The following FYB2 variants were observed in gnomAD, a reference collection of about 807,000 sequenced individuals.
The protein encoded by FYB2 is FYN binding protein 2, also known as FYN-binding protein 2.
Under a neutral mutation model 94.1 loss-of-function variants are expected in FYB2, and 103 were observed. That is an observed-to-expected ratio of 1.09 (90% CI 0.93 to 1.29). FYB2 has a LOEUF of 1.29. Ranked by LOEUF, FYB2 falls within the 50% of genes most tolerant of loss-of-function variation. The pLI is 0.00. For synonymous variants in FYB2, 293 were observed against 287.9 expected (o/e 1.02, Z -0.18); for missense variants, 896 against 841.5 (o/e 1.06, Z -0.80).
intron 5 of FYB2, among the ~76,000 whole-genome samples, chr1:56,763,588 A>G (rs2143753): frequency 6.6e-6 from 1 of 152,192 alleles, no homozygotes; most frequent in Non-Finnish European, 1.5e-5. Flanking sequence ...TACAGAGTCT[A>G]TAATGATATC....
At chr1:56,734,864 A>G (rs1288928096) in intron 15 of FYB2, among the ~76,000 whole-genome samples, 1 of 152,050 alleles carries the variant, frequency 6.6e-6, no homozygotes, top group Non-Finnish European at 1.5e-5. Context: ...AAAATGTTCA[A>G]CATCACTAAT....
At chr1:56,757,043 G>C (rs1321181843) in intron 6 of FYB2, among the ~76,000 whole-genome samples, 2 of 152,054 alleles carry the variant, frequency 1.3e-5, no homozygotes, top group East Asian at 3.9e-4. Context: ...AAGAAAGGAA[G>C]AGATCAGATT....
At chr1:56,771,297 C>A (rs572047171) in intron 4 of FYB2, among the ~76,000 whole-genome samples, 24 of 151,966 alleles carry the variant, frequency 1.6e-4, no homozygotes, top group Non-Finnish European at 3.1e-4. Context: ...TTATGATGAA[C>A]AAATGACATA....
chr1:56,804,925 T>C (rs1015042435), intron 1 of FYB2, among the ~76,000 whole-genome samples: 2 of 152,176 alleles, frequency 1.3e-5, no homozygotes, highest in African/African-American at 4.8e-5. Context: ...TTCCTGCCTC[T>C]AACTCACCCC....
At chr1:56,823,486 G>A (rs1647005093), upstream of FYB2, among the ~76,000 whole-genome samples, 1 of 152,150 alleles carries the variant, frequency 6.6e-6, no homozygotes, top group African/African-American at 2.4e-5. Context: ...GGAGGTGTGT[G>A]GGTTCAAGAA....
In FYB2 at chr1:56,744,139, G is replaced by A. The variant is rs1645018913; in HGVS notation, c.1502+13C>T. 6.2e-7 allele frequency: 1 copy of A among 1,611,490 alleles called. No homozygotes were observed. The highest frequency in any genetic ancestry group is 1.3e-5 in the African/African-American group (1 of 74,704). ...TCACATTCATCTTGCTGAAAGACTG[G>A]AATGTTACTTACACCTCTTTCCTGG... On this transcript the variant is annotated intron_variant, in intron 10 of 19. Transcript: ENST00000343433.
intron 4 of FYB2, among the ~76,000 whole-genome samples, chr1:56,772,064 C>T (rs1645770672): frequency 6.6e-6 from 1 of 152,072 alleles, no homozygotes; most frequent in South Asian, 2.1e-4. Flanking sequence ...AGTAACTTCT[C>T]TCATATTTTT....
At position 56,719,570 on chromosome 1, in the gene FYB2, C is replaced by G; in HGVS notation, c.*101G>C. The G allele has an allele frequency of 9.6e-7, 1 of 1,037,078 alleles. No homozygotes were observed. Among genetic ancestry groups the G allele is most frequent in the Non-Finnish European group, 1.4e-6 (1 of 722,698 alleles). 64.2% of individuals were successfully genotyped at this position (1,037,078 alleles called of 1,614,324 possible). On this transcript the variant is annotated 3_prime_UTR_variant, in exon 20 of 20. Transcript: ENST00000343433. ...CGAAAGTTTCCACAGATTCCACCAT[C>G]TCAAAATTTTGACATGTAAACTGAA...
intron 13 of FYB2, among the ~76,000 whole-genome samples, chr1:56,739,032 G>T (rs761084778): frequency 2.0e-5 from 3 of 152,032 alleles, no homozygotes; most frequent in Non-Finnish European, 2.9e-5. Context: ...AGACACCATG[G>T]CAGAGTCTGA....
chr1:56,777,239 CAAAAAAAAAAA>C (rs1453236717), intron 4 of FYB2, among the ~76,000 whole-genome samples: 2 of 4,798 alleles, frequency 4.2e-4, no homozygotes, highest in Non-Finnish European at 5.2e-4. Flanking sequence ...GTCTCAAAAA[CAAAAAAAAAAA>C]AAAAAAAAAA....
chr1:56,812,318 C>A, intron 1 of FYB2, among the ~76,000 whole-genome samples: 1 of 152,022 alleles, frequency 6.6e-6, no homozygotes, highest in Non-Finnish European at 1.5e-5. Context: ...AACCTCTGTC[C>A]TATATGCCAT....
chr1:56,758,887 A>G (rs1430954296), intron 5 of FYB2, 137 bp from the exon 6 acceptor site: 6 of 550,592 alleles, frequency 1.1e-5, no homozygotes, highest in East Asian at 3.4e-5. Flanking sequence ...GTAAAGCTCT[A>G]TCTAGAAAGT....
chr1:56,750,138 A>G (rs969182451), intron 9 of FYB2, among the ~76,000 whole-genome samples: 1 of 152,044 alleles, frequency 6.6e-6, no homozygotes, highest in African/African-American at 2.4e-5. Context: ...GCCATGGGAG[A>G]TAACACATAA....
chr1:56,737,206 A>G, intron 14 of FYB2, 59 bp from the exon 15 acceptor site: 1 of 1,318,172 alleles, frequency 7.6e-7, no homozygotes, highest in Non-Finnish European at 1.1e-6. Context: ...ATAAGCACTG[A>G]CTTTCCAAAT....
chr1:56,778,732 G>A, intron 4 of FYB2, among the ~76,000 whole-genome samples: 1 of 152,040 alleles, frequency 6.6e-6, no homozygotes, highest in East Asian at 1.9e-4. Flanking sequence ...TAGCGTCTTG[G>A]GTGAGGGAAC....
chr1:56,731,232 C>G (rs774715262), intron 15 of FYB2, among the ~76,000 whole-genome samples: 1 of 152,124 alleles, frequency 6.6e-6, no homozygotes, highest in African/African-American at 2.4e-5. Flanking sequence ...CAGGAAAGAT[C>G]GCTGGCTTGG....
chr1:56,774,774 A>G (rs972511312), intron 4 of FYB2, among the ~76,000 whole-genome samples: 1 of 151,962 alleles, frequency 6.6e-6, no homozygotes, highest in Non-Finnish European at 1.5e-5. Context: ...GGACTGGGAG[A>G]GGAAGACCCA....
chr1:56,755,844 T>C, intron 7 of FYB2, 52 bp downstream of exon 7: 1 of 1,529,688 alleles, frequency 6.5e-7, no homozygotes, highest in Non-Finnish European at 9.0e-7. Flanking sequence ...AGTTCAGTCA[T>C]CAGAAAGTCA....
the FYB2 span, chr1:56,825,242 T>C: frequency 3.9e-5 from 6 of 152,218 alleles, no homozygotes; most frequent in African/African-American, 1.2e-4. Flanking sequence ...ATTTTACAAA[T>C]GACAGAATAG....
Sources: allele counts gnomAD v4.1 joint callset (sites outside exome capture counted in the v4.1 genomes callset), GRCh38; gene constraint gnomAD v4.1.1; transcripts MANE v1.5; gene names NCBI Gene and HGNC (gene_info 2026-07-23, HGNC 2026-07-21).